Variants in PNISR observed in about 807,000 individuals in gnomAD.
The protein encoded by PNISR is arginine/serine-rich protein PNISR.
In PNISR, 20 loss-of-function variants were observed where a neutral mutation model predicts 93.4. The observed-to-expected ratio is 0.21, with a 90% CI of 0.15 to 0.31. The LOEUF (loss-of-function observed/expected upper bound fraction) is 0.31, where lower values mean the gene tolerates loss of function less well. Among genes scored for constraint, PNISR ranks in the 10% least tolerant of loss-of-function variants. The pLI, the probability that PNISR is intolerant of heterozygous loss-of-function variation, is 1.00. For missense variants in PNISR, 893 were observed against 985.4 expected (o/e 0.91, Z 1.25); for synonymous variants, 305 against 306.5 (o/e 0.99, Z 0.05).
At chr6:99,402,452 A>G in intron 11 of PNISR, 88 bp downstream of exon 11, 1 of 986,200 alleles carries the variant, frequency 1.0e-6, no homozygotes, top group East Asian at 2.6e-5. Flanking sequence ...TATAGCCTTT[A>G]TTTTATCCTT....
chr6:99,405,910 T>C, intron 8 of PNISR, 121 bp downstream of exon 8: 1 of 568,068 alleles, frequency 1.8e-6, no homozygotes, highest in Non-Finnish European at 3.1e-6. Flanking sequence ...AAAAGGAGTA[T>C]CTCTTCAATT....
In PNISR at chr6:99,400,673, G is replaced by C. The variant is rs1775346027; in HGVS notation, c.2285C>G (p.Ser762Cys). 1.2e-6 allele frequency: 2 copies of C among 1,613,950 alleles called. No homozygotes were observed. The highest frequency in any genetic ancestry group is 1.7e-6 in the Non-Finnish European group (2 of 1,179,948). Residue 762 changes from serine to cysteine, a missense_variant, in exon 12 of 12, where the codon TCT (serine) becomes TGT (cysteine). By Grantham distance (112) the Ser-to-Cys change is moderately radical. Transcript: ENST00000369239. Reference protein sequence around the residue: ...SGSDSSGRSSSESPGSSKEKK... With the variant: ...SGSDSSGRSSCESPGSSKEKK... The stretch of plus-strand genomic sequence containing the variant: ...TTCTTTGCTACTTCCTGGAGACTCA[G>C]AACTGCTCCTTCCACTAGAATCAGA...
At chr6:99,417,783 T>C (rs530085668) in intron 1 of PNISR, among the ~76,000 whole-genome samples, 2 of 151,982 alleles carry the variant, frequency 1.3e-5, no homozygotes, top group Admixed American at 1.3e-4. Context: ...CTGACCAACA[T>C]GGTGAAACCC....
At chr6:99,401,722 C>T in intron 11 of PNISR, 92 bp from the exon 12 acceptor site, 1 of 951,390 alleles carries the variant, frequency 1.1e-6, no homozygotes, top group Non-Finnish European at 1.5e-6. Flanking sequence ...AACAATAGAA[C>T]ACCATTTTCA....
At position 99,398,315 on chromosome 6, in the gene PNISR, T is replaced by G. The variant is rs1444801393; in HGVS notation, c.*2225A>C. 1 of 152,158 alleles carries G rather than the reference T, an allele frequency of 6.6e-6. No homozygotes were observed. The highest frequency in any genetic ancestry group is 1.5e-5 in the Non-Finnish European group (1 of 67,982). The allele number at this position is 152,158 out of a possible 1,614,324, so 9.4% of individuals were successfully genotyped here. On this transcript the variant is annotated 3_prime_UTR_variant, in exon 12 of 12. Transcript: ENST00000369239. ...TTTAGAAAAGATTTCATAACCAAAT[T>G]ATACATCTAATTAACTTATGTGTAA...
Position 99,412,596 on chromosome 6 carries a change from C to G in PNISR, c.232G>C (p.Gly78Arg). The change falls in exon 4 of 12, where the codon GGG becomes CGG. Residue 78 changes from glycine (G) to arginine (R), a missense_variant. Coordinates refer to ENST00000369239, the MANE Select transcript of PNISR (RefSeq NM_032870.4). ...AAGTTTGAATCCCCTTGGAAATTCC[C>G]ATGATTGTTTGGACCAGATTCCATT... ...STMESGPNNH[G>R]NFQGDSNFNR... The G allele has an allele frequency of 6.2e-7, 1 of 1,606,616 alleles. No homozygotes were observed. Among genetic ancestry groups the G allele is most frequent in the Non-Finnish European group, 8.5e-7 (1 of 1,177,826 alleles).
At chr6:99,402,416 TCA>T (rs1775617819) in intron 11 of PNISR, 122 bp downstream of exon 11, 2 of 706,466 alleles carry the variant, frequency 2.8e-6, no homozygotes, top group African/African-American at 3.6e-5. Context: ...GACTTTAGTT[TCA>T]GTTATATCAC....
intron 3 of PNISR, among the ~76,000 whole-genome samples, chr6:99,413,981 C>G (rs1051068631): frequency 6.6e-6 from 1 of 152,128 alleles, no homozygotes; most frequent in African/African-American, 2.4e-5. Context: ...CCAAAAGTGG[C>G]TTTGTTAAAT....
At chr6:99,416,690 TCAAA>T (rs1248898732) in intron 1 of PNISR, among the ~76,000 whole-genome samples, 3 of 151,888 alleles carry the variant, frequency 2.0e-5, no homozygotes, top group East Asian at 3.9e-4. Flanking sequence ...AAAAACAATG[TCAAA>T]CAATTTAGAG....
chr6:99,416,529 C>A, intron 1 of PNISR, 101 bp from the exon 2 acceptor site: 1 of 410,224 alleles, frequency 2.4e-6, no homozygotes. Context: ...CCAAGTTAGT[C>A]ACTTTTCCTT....
At position 99,400,694 on chromosome 6, in the gene PNISR, T is replaced by C; in HGVS notation, c.2264A>G (p.Asp755Gly). The change falls in exon 12 of 12, where the codon GAT (aspartate) becomes GGT (glycine). Residue 755 changes from aspartate (D) to glycine (G), a missense_variant. Physicochemically the swap from Asp to Gly is moderately conservative, Grantham distance 94 (BLOSUM62 -1). This residue lies in a region of PNISR where 866 missense variants were observed against 935.1 expected (regional missense o/e 0.93). Coordinates refer to ENST00000369239, the MANE Select transcript of PNISR (RefSeq NM_032870.4). ...CTCAGAACTGCTCCTTCCACTAGAA[T>C]CAGAGCCTGAATGTTTTTTACTATC... is the stretch of plus-strand genomic sequence containing the variant. ...TKDSKKHSGSDSSGRSSSESP... is the reference protein window; with the variant it reads ...TKDSKKHSGSGSSGRSSSESP... 6.2e-7 allele frequency: 1 copy of C among 1,613,648 alleles called. No individual in the cohort carries two copies. The highest frequency in any genetic ancestry group is 8.5e-7 in the Non-Finnish European group (1 of 1,179,874).
chr6:99,417,250 C>A (rs548303355), intron 1 of PNISR, among the ~76,000 whole-genome samples: 9 of 152,302 alleles, frequency 5.9e-5, no homozygotes, highest in African/African-American at 2.2e-4. Context: ...TAATGACTAC[C>A]TACCATCATT....
In PNISR at chr6:99,400,442, A is replaced by T; in HGVS notation, c.*98T>A. ...ACTATGATTATTTATCAAGTACCAA[A>T]CTGAGTTTATTAAAGAGAGAGAGAA... On this transcript the variant is annotated 3_prime_UTR_variant, in exon 12 of 12. Coordinates refer to ENST00000369239, the MANE Select transcript of PNISR (RefSeq NM_032870.4). 6.8e-7 allele frequency: 1 copy of T among 1,463,342 alleles called. No homozygotes were observed. The highest frequency in any genetic ancestry group is 9.0e-7 in the Non-Finnish European group (1 of 1,106,870). 90.6% of individuals were successfully genotyped at this position (1,463,342 alleles called of 1,614,324 possible).
In PNISR at chr6:99,399,104, T is replaced by G. The variant is rs543147695; in HGVS notation, c.*1436A>C. The G allele has an allele frequency of 3.3e-4, 50 of 152,268 alleles. No homozygotes were observed. Among genetic ancestry groups the G allele is most frequent in the African/African-American group, 1.2e-3 (49 of 41,592 alleles). 9.4% of individuals were successfully genotyped at this position (152,268 alleles called of 1,614,324 possible). A position where few individuals can be genotyped will look rare whatever the true frequency, so the allele number is the denominator to read the frequency against. On this transcript the variant is annotated 3_prime_UTR_variant, in exon 12 of 12. Coordinates refer to ENST00000369239, the MANE Select transcript of PNISR (RefSeq NM_032870.4). ...CACTGATCTTGGCAAAAATCTGGCA[T>G]GATTTTTAAAATGAACTATTGCTGG... is the stretch of plus-strand genomic sequence containing the variant.
chr6:99,404,599 A>G lies in PNISR; in HGVS notation c.1102+4T>C, dbSNP rs1468471892. On this transcript the variant is annotated splice_donor_region_variant and intron_variant, in intron 9 of 11. Transcript: ENST00000369239. ...AAAGCAAAACCAGAAACACCAAAAT[A>G]TACCTTTCGTTGCTTTGCGGTGTGC... 2.0e-6 allele frequency: 3 copies of G among 1,529,868 alleles called. No homozygotes were observed. The highest frequency in any genetic ancestry group is 2.2e-5 in the South Asian group (2 of 89,408). The allele number at this position is 1,529,868 out of a possible 1,614,324, so 94.8% of individuals were successfully genotyped here.
At chr6:99,422,887 A>AAAC (rs1327216719) in intron 1 of PNISR, among the ~76,000 whole-genome samples, 19 of 151,610 alleles carry the variant, frequency 1.3e-4, no homozygotes, top group Non-Finnish European at 2.8e-4. Flanking sequence ...AAAAAAAAAA[A>AAAC]AAAAAAAAAA....
At chr6:99,421,325 T>G (rs1209342970) in intron 1 of PNISR, among the ~76,000 whole-genome samples, 1 of 152,200 alleles carries the variant, frequency 6.6e-6, no homozygotes, top group African/African-American at 2.4e-5. Flanking sequence ...ATCACCAGTG[T>G]TATGGAATGA....
intron 1 of PNISR, among the ~76,000 whole-genome samples, chr6:99,418,800 G>A (rs1297894029): frequency 6.6e-6 from 1 of 152,138 alleles, no homozygotes. Context: ...TAGTTACAGA[G>A]GATGACTACT....
chr6:99,424,355 C>T (rs1056787307), intron 1 of PNISR, among the ~76,000 whole-genome samples: 3 of 151,896 alleles, frequency 2.0e-5, no homozygotes, highest in Non-Finnish European at 4.4e-5. Flanking sequence ...GTGGGGACGT[C>T]GTATGTGCTC....
Sources: gnomAD v4.1 joint callset for allele counts (sites outside exome capture counted in the v4.1 genomes callset) on GRCh38, gnomAD v4.1.1 for gene constraint, gnomAD v4.1.1 regional missense constraint, MANE v1.5 for transcripts, NCBI Gene and HGNC (gene_info 2026-07-23, HGNC 2026-07-21) for gene names.